The following MYT1L variants were observed in gnomAD, a reference collection of about 807,000 sequenced individuals.
MYT1L encodes myelin transcription factor 1-like protein.
MYT1L carries 12 observed loss-of-function variants against 126.7 expected under a neutral mutation model. The observed-to-expected ratio is 0.09, with a 90% CI of 0.06 to 0.15. MYT1L has a LOEUF of 0.15. Ranked by LOEUF, MYT1L falls within the 10% of genes least tolerant of loss-of-function variation. The pLI is 1.00. For missense variants in MYT1L, 979 were observed against 1,585.2 expected, an observed-to-expected ratio of 0.62 and a Z score of 6.49; for synonymous variants, 541 against 604.2, an observed-to-expected ratio of 0.90 and a Z score of 1.53.
At chr2:1,826,702 G>C (rs1375016963) in intron 21 of MYT1L, among the ~76,000 whole-genome samples, 2 of 152,194 alleles carry the variant, frequency 1.3e-5, no homozygotes. Flanking sequence ...GGGGAAAGCG[G>C]AGGGCTCCCC....
intron 3 of MYT1L, among the ~76,000 whole-genome samples, chr2:2,073,065 G>T (rs552489406): frequency 1.6e-4 from 24 of 152,234 alleles, no homozygotes; most frequent in African/African-American, 5.3e-4. Flanking sequence ...TCTTTCATAA[G>T]GGCACTAATG....
chr2:1,877,303 C>T (rs1319147629), intron 18 of MYT1L, among the ~76,000 whole-genome samples: 1 of 152,176 alleles, frequency 6.6e-6, no homozygotes, highest in Non-Finnish European at 1.5e-5. Context: ...AGATATATGA[C>T]TTATATGCTA....
At chr2:1,860,830 G>A (rs568448020) in intron 18 of MYT1L, among the ~76,000 whole-genome samples, 1 of 152,182 alleles carries the variant, frequency 6.6e-6, no homozygotes, top group African/African-American at 2.4e-5. Context: ...GAGGGTTAAT[G>A]GTGGGGGCTG....
intron 13 of MYT1L, among the ~76,000 whole-genome samples, chr2:1,909,002 TTTAA>T (rs1487270295): frequency 2.6e-5 from 4 of 152,070 alleles, no homozygotes; most frequent in African/African-American, 4.8e-5. Flanking sequence ...AGGAAGGGAG[TTTAA>T]TTACTACGTT....
rs186846843 is a variant in MYT1L, at chr2:2,049,798, G to A, written c.-158+4180C>T. On this transcript the variant is annotated intron_variant, in intron 4 of 24. Coordinates refer to ENST00000647738, the MANE Select transcript of MYT1L (RefSeq NM_001303052.2). ...GGTCCTCATTTCTCTCTTGCCTGCC[G>A]CCAGTTAAGACATGGCTTTCGCCTT... is the stretch of plus-strand genomic sequence containing the variant. Among the ~76,000 whole-genome samples the A allele has an allele frequency of 1.5e-3, 225 of 152,210 alleles. 1 individual carries two copies. Among genetic ancestry groups the A allele is most frequent in the African/African-American group, 5.0e-3 (206 of 41,522 alleles).
At chr2:2,100,018 T>C (rs2077871621) in intron 3 of MYT1L, among the ~76,000 whole-genome samples, 1 of 152,336 alleles carries the variant, frequency 6.6e-6, no homozygotes, top group East Asian at 1.9e-4. Flanking sequence ...CCTCAATATA[T>C]TGTTTTATAT....
rs180752724 is a variant in MYT1L, at chr2:2,015,757, G to A, written c.-157-18410C>T. On this transcript the variant is annotated intron_variant, in intron 4 of 24. Transcript: ENST00000647738. Reference sequence around the variant, plus strand: ...GCACACCGGCTGTCCACTCTGCCCCGGGTTCCAGGACAGGTTCTGTCTCAT... The same window carrying A: ...GCACACCGGCTGTCCACTCTGCCCCAGGTTCCAGGACAGGTTCTGTCTCAT... 9.6e-4 allele frequency among the ~76,000 whole-genome samples: 146 copies of A among 152,298 alleles called. 1 individual carries two copies. The East Asian group carries it at 0.02, about 21-fold the overall frequency.
intron 2 of MYT1L, among the ~76,000 whole-genome samples, chr2:2,180,628 CTGTG>C (rs770599057): frequency 8.2e-6 from 1 of 121,456 alleles, no homozygotes; most frequent in African/African-American, 3.1e-5. Context: ...CTGTGTGTAG[CTGTG>C]TGTGCACCTG....
intron 2 of MYT1L, among the ~76,000 whole-genome samples, chr2:2,182,470 C>T (rs2091641798): frequency 6.6e-6 from 1 of 152,012 alleles, no homozygotes; most frequent in African/African-American, 2.4e-5. Flanking sequence ...AGCATCTATC[C>T]TCATTCTCTG....
chr2:1,938,082 G>C (rs1370796875), intron 9 of MYT1L, among the ~76,000 whole-genome samples: 1 of 152,210 alleles, frequency 6.6e-6, no homozygotes, highest in Non-Finnish European at 1.5e-5. Flanking sequence ...ATGTGCTAAA[G>C]GCAGCTGCAC....
At chr2:2,018,852 C>CTCT (rs1428019091) in intron 4 of MYT1L, among the ~76,000 whole-genome samples, 5 of 152,092 alleles carry the variant, frequency 3.3e-5, no homozygotes, top group Non-Finnish European at 5.9e-5. Flanking sequence ...TTTTGAGTTC[C>CTCT]AGAGAGAGAA....
At chr2:1,965,059 C>T (rs566887694) in intron 8 of MYT1L, among the ~76,000 whole-genome samples, 19 of 152,346 alleles carry the variant, frequency 1.2e-4, no homozygotes, top group South Asian at 4.1e-4. Flanking sequence ...CAGAGTATTC[C>T]GGTCACCAGC....
At chr2:1,870,170 A>G (rs2046102442) in intron 18 of MYT1L, among the ~76,000 whole-genome samples, 1 of 152,168 alleles carries the variant, frequency 6.6e-6, no homozygotes, top group African/African-American at 2.4e-5. Context: ...CATTGAAATC[A>G]TTTCACGGTG....
intron 8 of MYT1L, among the ~76,000 whole-genome samples, chr2:1,964,258 G>A (rs563299001): frequency 6.6e-5 from 10 of 152,294 alleles, no homozygotes; most frequent in Admixed American, 2.6e-4. Context: ...CGCGGTTCCT[G>A]GTGTCCCCAA....
intron 3 of MYT1L, among the ~76,000 whole-genome samples, chr2:2,128,087 A>C (rs1267183537): frequency 4.6e-5 from 7 of 152,226 alleles, no homozygotes; most frequent in African/African-American, 1.7e-4. Context: ...CCTGACGTTA[A>C]GAAAGATAGT....
chr2:2,226,529 T>G (rs2094014017), intron 2 of MYT1L, among the ~76,000 whole-genome samples: 1 of 151,778 alleles, frequency 6.6e-6, no homozygotes, highest in Non-Finnish European at 1.5e-5. Context: ...CTCTTTGGCA[T>G]GTTTCACCTG....
chr2:2,128,596 T>C (rs1401274606), intron 3 of MYT1L, among the ~76,000 whole-genome samples: 2 of 152,222 alleles, frequency 1.3e-5, no homozygotes, highest in African/African-American at 4.8e-5. Context: ...TGTAAAAACA[T>C]AGTCTAATAT....
chr2:2,143,439 G>T (rs1233698732), intron 3 of MYT1L, among the ~76,000 whole-genome samples: 2 of 152,102 alleles, frequency 1.3e-5, no homozygotes, highest in African/African-American at 4.8e-5. Flanking sequence ...ACCCCACATG[G>T]CCACACTTCC....
At chr2:2,240,258 G>A (rs1188458429) in intron 2 of MYT1L, among the ~76,000 whole-genome samples, 3 of 152,054 alleles carry the variant, frequency 2.0e-5, no homozygotes, top group Non-Finnish European at 4.4e-5. Flanking sequence ...ATAGCATTGT[G>A]CTCCAGCCTG....
Sources: gnomAD v4.1 joint callset for allele counts (sites outside exome capture counted in the v4.1 genomes callset) on GRCh38, gnomAD v4.1.1 for gene constraint, MANE v1.5 for transcripts, NCBI Gene and HGNC (gene_info 2026-07-23, HGNC 2026-07-21) for gene names.